CNTN5: variants seen among roughly 807,000 people sequenced by gnomAD.
CNTN5 encodes the protein contactin 5.
CNTN5 carries 77 observed loss-of-function variants against 129.1 expected under a neutral mutation model. That is an observed-to-expected ratio of 0.60 (90% confidence interval 0.50 to 0.72). The LOEUF is 0.72. Ranked by LOEUF, CNTN5 falls within the 30% of genes least tolerant of loss-of-function variation. CNTN5 has a pLI of 0.00. For missense variants in CNTN5, 1,478 were observed against 1,328.8 expected (o/e 1.11, Z -1.75); for synonymous variants, 509 against 465.6 (o/e 1.09, Z -1.20).
At chr11:99,135,833 T>G (rs1309575742) in intron 1 of CNTN5, among the ~76,000 whole-genome samples, 2 of 152,202 alleles carry the variant, frequency 1.3e-5, no homozygotes, top group African/African-American at 2.4e-5. Flanking sequence ...GATTACCAAT[T>G]ATTATTTATT....
intron 3 of CNTN5, among the ~76,000 whole-genome samples, chr11:99,719,992 C>G (rs1401907269): frequency 6.6e-6 from 1 of 151,984 alleles, no homozygotes; most frequent in African/African-American, 2.4e-5. Context: ...GAAATCAATT[C>G]CCTGAATAGA....
At chr11:99,481,751 T>C (rs1455400763) in intron 2 of CNTN5, among the ~76,000 whole-genome samples, 1 of 152,170 alleles carries the variant, frequency 6.6e-6, no homozygotes, top group Admixed American at 6.5e-5. Flanking sequence ...CAAGACTCAG[T>C]CTAAATACTT....
intron 3 of CNTN5, among the ~76,000 whole-genome samples, chr11:99,795,809 A>G (rs1352521354): frequency 6.6e-6 from 1 of 152,108 alleles, no homozygotes; most frequent in African/African-American, 2.4e-5. Flanking sequence ...GAGAGCAGTT[A>G]TGAGGTCACT....
intron 1 of CNTN5, among the ~76,000 whole-genome samples, chr11:99,169,736 G>C (rs1861059104): frequency 6.6e-6 from 1 of 152,044 alleles, no homozygotes; most frequent in Admixed American, 6.6e-5. Flanking sequence ...TAAACTCATA[G>C]TTTTATATAA....
intron 3 of CNTN5, among the ~76,000 whole-genome samples, chr11:99,597,671 T>C (rs1441540437): frequency 6.6e-6 from 1 of 152,170 alleles, no homozygotes; most frequent in African/African-American, 2.4e-5. Flanking sequence ...CTAACTCTTT[T>C]GTGTTATTAT....
At chr11:100,231,821 G>A (rs1463380398) in intron 16 of CNTN5, among the ~76,000 whole-genome samples, 3 of 152,134 alleles carry the variant, frequency 2.0e-5, no homozygotes, top group Non-Finnish European at 4.4e-5. Context: ...CCAGATTTGA[G>A]CATTGTTCAC....
intron 6 of CNTN5, among the ~76,000 whole-genome samples, chr11:99,897,529 T>C (rs1184520259): frequency 1.3e-5 from 2 of 152,124 alleles, no homozygotes; most frequent in African/African-American, 4.8e-5. Context: ...CAGCTAAGAA[T>C]TTTATATTAC....
chr11:99,941,340 A>G (rs952740040), intron 7 of CNTN5, among the ~76,000 whole-genome samples: 3 of 152,100 alleles, frequency 2.0e-5, no homozygotes, highest in Non-Finnish European at 4.4e-5. Flanking sequence ...ACCCAATATA[A>G]TAGTTTTTAA....
At chr11:100,096,413 C>T (rs1018870338) in intron 13 of CNTN5, among the ~76,000 whole-genome samples, 1 of 152,154 alleles carries the variant, frequency 6.6e-6, no homozygotes, top group East Asian at 1.9e-4. Context: ...GATATATACC[C>T]GTATTCTGGG....
intron 7 of CNTN5, among the ~76,000 whole-genome samples, chr11:99,931,673 C>T (rs1311285113): frequency 6.6e-6 from 1 of 152,196 alleles, no homozygotes; most frequent in African/African-American, 2.4e-5. Flanking sequence ...ACTAGTGTTT[C>T]CATGTTACGT....
intron 1 of CNTN5, among the ~76,000 whole-genome samples, chr11:99,140,620 G>T (rs1859467534): frequency 6.6e-6 from 1 of 152,118 alleles, no homozygotes; most frequent in South Asian, 2.1e-4. Context: ...TATGATATTA[G>T]CTATGGATTT....
chr11:99,696,637 T>A (rs184521149), intron 3 of CNTN5, among the ~76,000 whole-genome samples: 3 of 151,892 alleles, frequency 2.0e-5, no homozygotes, highest in East Asian at 1.9e-4. Flanking sequence ...TTTTTTTTTT[T>A]AACTTTTTAC....
intron 6 of CNTN5, among the ~76,000 whole-genome samples, chr11:99,911,568 G>T (rs934365151): frequency 6.6e-6 from 1 of 151,796 alleles, no homozygotes; most frequent in African/African-American, 2.4e-5. Context: ...TACAAGATCA[G>T]TGTCCAGAAT....
chr11:99,074,472 T>C (rs1591147911), intron 1 of CNTN5, among the ~76,000 whole-genome samples: 3 of 152,182 alleles, frequency 2.0e-5, no homozygotes, highest in South Asian at 2.1e-4. Context: ...ATTTAGGACA[T>C]AGGCATGGCC....
chr11:99,128,825 G>C (rs1396619253), intron 1 of CNTN5, among the ~76,000 whole-genome samples: 1 of 152,028 alleles, frequency 6.6e-6, no homozygotes, highest in African/African-American at 2.4e-5. Context: ...CAGGTGAACA[G>C]GATCTGGAGT....
intron 1 of CNTN5, among the ~76,000 whole-genome samples, chr11:99,312,519 T>C (rs955451488): frequency 6.6e-6 from 1 of 152,156 alleles, no homozygotes; most frequent in Non-Finnish European, 1.5e-5. Flanking sequence ...TCTGCTATAA[T>C]ATCCTTCCTT....
At position 99,889,348 on chromosome 11, in the gene CNTN5, G is replaced by T. The variant is rs1948994482; in HGVS notation, c.578-26706G>T. ...TGTGTGTGTGTGTGTGTGTGTGTGT[G>T]TGTGTGTGTATATATATCTCTCCAT... On this transcript the variant is annotated intron_variant, in intron 6 of 24. Coordinates refer to ENST00000524871, the MANE Select transcript of CNTN5 (RefSeq NM_014361.4). Among the ~76,000 whole-genome samples the T allele has an allele frequency of 5.1e-5, 3 of 58,716 alleles. No homozygotes were observed. The South Asian group carries it at 1.7e-3, about 33-fold the overall frequency. The allele number at this position is 58,716 out of a possible 152,430, so 38.5% of individuals were successfully genotyped here.
chr11:100,085,353 C>G (rs1377978591), intron 13 of CNTN5, among the ~76,000 whole-genome samples: 4 of 152,002 alleles, frequency 2.6e-5, no homozygotes, highest in Non-Finnish European at 4.4e-5. Flanking sequence ...ATCAGCACAA[C>G]AAAACTTCAT....
At position 99,819,669 on chromosome 11, in the gene CNTN5, A is replaced by T. The variant is rs1159381318; in HGVS notation, c.181A>T (p.Thr61Ser). 6.2e-7 allele frequency: 1 copy of T among 1,612,862 alleles called. No individual in the cohort carries two copies. The highest frequency in any genetic ancestry group is 1.3e-5 in the African/African-American group (1 of 74,968). Reference protein sequence around the residue: ...RPRYSSPSLGTLSASSPSWLG... With the variant: ...RPRYSSPSLGSLSASSPSWLG... ...ACGATACAGCAGCCCTTCATTAGGA[A>T]CACTGAGTGCTTCTTCACCCAGCTG... is the stretch of plus-strand genomic sequence containing the variant. Residue 61 changes from threonine (T) to serine (S), a missense_variant, in exon 4 of 25, where the codon ACA (threonine) becomes TCA (serine). By Grantham distance (58) the Thr-to-Ser change is moderately conservative. Transcript: ENST00000524871.
Sources: gnomAD v4.1 joint callset for allele counts (sites outside exome capture counted in the v4.1 genomes callset) on GRCh38, gnomAD v4.1.1 for gene constraint, MANE v1.5 for transcripts, NCBI Gene and HGNC (gene_info 2026-07-23, HGNC 2026-07-21) for gene names.